TSPAN12: variants seen among roughly 807,000 people sequenced by gnomAD.
TSPAN12 encodes tetraspanin 12, also known as tetraspanin-12.
Under a neutral mutation model 39.2 loss-of-function variants are expected in TSPAN12, and 19 were observed. The observed-to-expected ratio is 0.49, with a 90% CI of 0.34 to 0.71. The LOEUF is 0.71. TSPAN12 is among the 30% of genes least tolerant of loss of function. The pLI is 0.01. For synonymous variants in TSPAN12, 119 were observed against 124.8 expected (o/e 0.95, Z 0.31); for missense variants, 314 against 359.9 (o/e 0.87, Z 1.03).
At chr7:120,828,071 G>A (rs1405509365) in intron 4 of TSPAN12, among the ~76,000 whole-genome samples, 1 of 152,140 alleles carries the variant, frequency 6.6e-6, no homozygotes, top group Non-Finnish European at 1.5e-5. Context: ...TAAAACATTA[G>A]ATGGACTTCC....
At chr7:120,856,315 G>A (rs1011805837) in intron 2 of TSPAN12, among the ~76,000 whole-genome samples, 3 of 152,036 alleles carry the variant, frequency 2.0e-5, no homozygotes, top group Non-Finnish European at 4.4e-5. Context: ...AGATTTTACA[G>A]GCGACAGAGA....
At chr7:120,801,689 G>A (rs192365152) in intron 7 of TSPAN12, among the ~76,000 whole-genome samples, 1 of 152,152 alleles carries the variant, frequency 6.6e-6, no homozygotes, top group Admixed American at 6.5e-5. Flanking sequence ...GGCCTATTGT[G>A]AGCCTGTTTA....
chr7:120,837,318 T>TA (rs200129418), intron 4 of TSPAN12, among the ~76,000 whole-genome samples: 5,301 of 150,164 alleles, frequency 0.035, 230 homozygotes, highest in African/African-American at 0.11. Flanking sequence ...TTTATTTATT[T>TA]TTTTTTTTTT....
At chr7:120,832,852 T>A (rs1277594635) in intron 4 of TSPAN12, among the ~76,000 whole-genome samples, 1 of 152,150 alleles carries the variant, frequency 6.6e-6, no homozygotes, top group Non-Finnish European at 1.5e-5. Flanking sequence ...AAAGTTCATT[T>A]TATAATAAGC....
At chr7:120,819,872 A>T (rs1794155650) in intron 4 of TSPAN12, among the ~76,000 whole-genome samples, 1 of 152,148 alleles carries the variant, frequency 6.6e-6, no homozygotes, top group Non-Finnish European at 1.5e-5. Context: ...TTAGTTTAAG[A>T]GCTAGATTTG....
intron 4 of TSPAN12, among the ~76,000 whole-genome samples, chr7:120,825,161 T>C (rs935177892): frequency 1.3e-5 from 2 of 152,206 alleles, no homozygotes; most frequent in South Asian, 2.1e-4. Context: ...AAGGTTTTTT[T>C]TGTGTGCAAG....
At chr7:120,812,604 T>C (rs1245177525) in intron 5 of TSPAN12, among the ~76,000 whole-genome samples, 1 of 152,190 alleles carries the variant, frequency 6.6e-6, no homozygotes, top group Non-Finnish European at 1.5e-5. Flanking sequence ...TTTTTTTTGA[T>C]TACTTGGAAA....
intron 4 of TSPAN12, among the ~76,000 whole-genome samples, chr7:120,825,452 A>G (rs1038748890): frequency 6.6e-6 from 1 of 152,190 alleles, no homozygotes; most frequent in Non-Finnish European, 1.5e-5. Flanking sequence ...GGACATTTTA[A>G]TATTTTTAAA....
chr7:120,789,323 A>T (rs1486162273), intron 7 of TSPAN12, among the ~76,000 whole-genome samples: 3 of 152,238 alleles, frequency 2.0e-5, no homozygotes, highest in Middle Eastern at 6.3e-3. Context: ...GAATGAATGA[A>T]TGTGGCTGGG....
intron 7 of TSPAN12, among the ~76,000 whole-genome samples, chr7:120,804,587 A>G (rs1793833695): frequency 6.6e-6 from 1 of 152,212 alleles, no homozygotes; most frequent in South Asian, 2.1e-4. Context: ...TGAGCATGAC[A>G]AAAAGTATTC....
At chr7:120,808,184 T>C (rs1793911752) in intron 6 of TSPAN12, among the ~76,000 whole-genome samples, 1 of 152,164 alleles carries the variant, frequency 6.6e-6, no homozygotes, top group African/African-American at 2.4e-5. Context: ...AGGAACAGCC[T>C]ATTTATATGG....
intron 3 of TSPAN12, 71 bp from the exon 4 acceptor site, chr7:120,838,983 C>T (rs1286549377): frequency 1.3e-6 from 2 of 1,488,582 alleles, no homozygotes; most frequent in African/African-American, 2.8e-5. Flanking sequence ...GCAGAAGACA[C>T]AACTGTGATT....
intron 6 of TSPAN12, among the ~76,000 whole-genome samples, chr7:120,808,708 C>T (rs773583846): frequency 6.6e-6 from 1 of 152,016 alleles, no homozygotes; most frequent in Non-Finnish European, 1.5e-5. Flanking sequence ...AGTGAGAGTC[C>T]GCTAAGTTGC....
chr7:120,827,328 T>G (rs1794308441), intron 4 of TSPAN12, among the ~76,000 whole-genome samples: 1 of 152,230 alleles, frequency 6.6e-6, no homozygotes. Flanking sequence ...TATATAAATA[T>G]GTATTACAAG....
chr7:120,813,143 CCCATT>C (rs1794014856), intron 5 of TSPAN12, among the ~76,000 whole-genome samples: 1 of 152,146 alleles, frequency 6.6e-6, no homozygotes, highest in African/African-American at 2.4e-5. Flanking sequence ...AAGCACAAAG[CCCATT>C]CTATGTAAAG....
intron 4 of TSPAN12, among the ~76,000 whole-genome samples, chr7:120,828,625 C>T (rs1343960066): frequency 4.0e-5 from 6 of 149,018 alleles, no homozygotes; most frequent in Non-Finnish European, 8.9e-5. Flanking sequence ...TAGAAGACAA[C>T]GATTGTTCCT....
At chr7:120,805,563 G>A (rs919350653) in intron 7 of TSPAN12, among the ~76,000 whole-genome samples, 2 of 152,102 alleles carry the variant, frequency 1.3e-5, no homozygotes, top group African/African-American at 4.8e-5. Flanking sequence ...CCAGGTACTT[G>A]ACAAGAGGTG....
intron 7 of TSPAN12, among the ~76,000 whole-genome samples, chr7:120,798,505 G>A (rs1162593442): frequency 6.6e-6 from 1 of 152,192 alleles, no homozygotes; most frequent in Admixed American, 6.5e-5. Context: ...CTGAGCAGGA[G>A]GGTTTACGGA....
chr7:120,829,771 T>C (rs931064220), intron 4 of TSPAN12, among the ~76,000 whole-genome samples: 12 of 152,206 alleles, frequency 7.9e-5, no homozygotes, highest in Non-Finnish European at 1.5e-4. Context: ...TCAATGGATA[T>C]GGAAATATTT....
Sources: gnomAD v4.1 joint callset for allele counts (sites outside exome capture counted in the v4.1 genomes callset) on GRCh38, gnomAD v4.1.1 for gene constraint, MANE v1.5 for transcripts, NCBI Gene and HGNC (gene_info 2026-07-23, HGNC 2026-07-21) for gene names.